CTNND2: variants seen among roughly 807,000 people sequenced by gnomAD.
CTNND2 encodes catenin delta-2.
CTNND2 carries 22 observed loss-of-function variants against 144.4 expected under a neutral mutation model. The ratio of observed to expected loss-of-function variants is 0.15; its 90% CI spans 0.11 to 0.22. The LOEUF (loss-of-function observed/expected upper bound fraction) is 0.22, where lower values mean the gene tolerates loss of function less well. Ranked by LOEUF, CTNND2 falls within the 10% of genes least tolerant of loss-of-function variation. CTNND2 has a pLI of 1.00. For synonymous variants in CTNND2, 751 were observed against 695.6 expected, an observed-to-expected ratio of 1.08 and a Z score of -1.25; for missense variants, 1,353 against 1,618.8, an observed-to-expected ratio of 0.84 and a Z score of 2.82.
intron 2 of CTNND2, among the ~76,000 whole-genome samples, chr5:11,714,265 C>G (rs951069487): frequency 1.3e-5 from 2 of 152,238 alleles, no homozygotes; most frequent in South Asian, 4.2e-4. Flanking sequence ...ACAAATGCCT[C>G]AACACCTCTT....
intron 1 of CTNND2, among the ~76,000 whole-genome samples, chr5:11,885,885 A>G (rs1232229770): frequency 1.3e-5 from 2 of 152,178 alleles, no homozygotes; most frequent in Non-Finnish European, 2.9e-5. Flanking sequence ...TTTGAAAACT[A>G]CAAATATCAT....
At chr5:11,737,888 G>C (rs1410303609) in intron 1 of CTNND2, among the ~76,000 whole-genome samples, 2 of 152,204 alleles carry the variant, frequency 1.3e-5, no homozygotes, top group Non-Finnish European at 2.9e-5. Flanking sequence ...GGGAAGAGAG[G>C]TGGCCTACTG....
intron 2 of CTNND2, among the ~76,000 whole-genome samples, chr5:11,579,868 C>T (rs1418829296): frequency 1.3e-5 from 2 of 152,286 alleles, no homozygotes; most frequent in South Asian, 2.1e-4. Context: ...CACTGGCCTC[C>T]CCGGCTGCGG....
At chr5:11,879,139 CA>C (rs1735783219) in intron 1 of CTNND2, among the ~76,000 whole-genome samples, 1 of 151,686 alleles carries the variant, frequency 6.6e-6, no homozygotes, top group South Asian at 2.1e-4. Flanking sequence ...CACGGAGCCC[CA>C]AGTACTCGGG....
At chr5:11,545,662 C>CCAA (rs1775172560) in intron 3 of CTNND2, among the ~76,000 whole-genome samples, 1 of 74,272 alleles carries the variant, frequency 1.3e-5, no homozygotes, top group Non-Finnish European at 2.5e-5. Context: ...GACTGTGTCT[C>CCAA]AAAAAAAAAA....
chr5:11,485,410 TCCC>T (rs1198715306), intron 3 of CTNND2, among the ~76,000 whole-genome samples: 1 of 150,268 alleles, frequency 6.7e-6, no homozygotes, highest in Non-Finnish European at 1.5e-5. Context: ...TTCAATGCAA[TCCC>T]CCCAAAATAT....
At chr5:11,519,742 T>C (rs1407909673) in intron 3 of CTNND2, among the ~76,000 whole-genome samples, 2 of 151,838 alleles carry the variant, frequency 1.3e-5, no homozygotes, top group Admixed American at 6.6e-5. Flanking sequence ...GATAAATAAA[T>C]GGAAGGAAGG....
chr5:11,385,162 CGCGGCGGCGGCG>C lies in CTNND2; in HGVS notation c.668_679del (p.Pro223_Pro226del), dbSNP rs557341981. The stretch of plus-strand genomic sequence containing the variant: ...GCCCAGGCTGGGCGCGAACGGCTCC[CGCGGCGGCGGCG>C]GCGGCGGCGGCGCGGGCTCGGGCCC... On this transcript the variant is annotated inframe_deletion, in exon 7 of 22. Coordinates refer to ENST00000304623, the MANE Select transcript of CTNND2 (RefSeq NM_001332.4). The C allele has an allele frequency of 2.2e-5, 22 of 1,013,214 alleles. No homozygotes were observed. Among genetic ancestry groups the C allele is most frequent in the East Asian group, 1.9e-4 (2 of 10,308 alleles). 62.8% of individuals were successfully genotyped at this position (1,013,214 alleles called of 1,614,324 possible).
chr5:11,738,365 C>A (rs1203141311), intron 1 of CTNND2, among the ~76,000 whole-genome samples: 1 of 152,206 alleles, frequency 6.6e-6, no homozygotes, highest in Non-Finnish European at 1.5e-5. Flanking sequence ...CATGCCGAGC[C>A]TTCTTTTCAG....
At chr5:11,620,558 C>T (rs1331878839) in intron 2 of CTNND2, among the ~76,000 whole-genome samples, 1 of 152,202 alleles carries the variant, frequency 6.6e-6, no homozygotes, top group African/African-American at 2.4e-5. Flanking sequence ...CTGACTGGCC[C>T]AGTGCTTGTC....
intron 9 of CTNND2, among the ~76,000 whole-genome samples, chr5:11,258,679 A>C (rs1744538520): frequency 6.6e-6 from 1 of 152,228 alleles, no homozygotes; most frequent in Non-Finnish European, 1.5e-5. Context: ...CAGTTTCTTC[A>C]CCTCTGAAGT....
chr5:11,627,388 C>A (rs1781211910), intron 2 of CTNND2, among the ~76,000 whole-genome samples: 1 of 152,148 alleles, frequency 6.6e-6, no homozygotes, highest in Non-Finnish European at 1.5e-5. Context: ...CTTTTATTGG[C>A]TGTGTACCAT....
intron 16 of CTNND2, among the ~76,000 whole-genome samples, chr5:11,061,297 T>C (rs1222101720): frequency 6.6e-6 from 1 of 152,178 alleles, no homozygotes; most frequent in Admixed American, 6.5e-5. Context: ...CCATCTTATC[T>C]ACTGTCTAGT....
rs1389153935 is a variant in CTNND2, at chr5:11,697,760, G to C, written c.174+34376C>G. On this transcript the variant is annotated intron_variant, in intron 2 of 21. Transcript: ENST00000304623. ...TAGTCTCTGTTCTTCAAAGTTTGGT[G>C]AATGAATTTGGGGTACAAAGTGACA... Among the ~76,000 whole-genome samples the C allele has an allele frequency of 5.3e-5, 8 of 152,298 alleles. No individual in the cohort carries two copies. In the East Asian group the frequency reaches 1.5e-3, roughly 29 times the overall value.
chr5:11,558,642 T>A (rs2150096963), intron 3 of CTNND2, among the ~76,000 whole-genome samples: 1 of 152,216 alleles, frequency 6.6e-6, no homozygotes, highest in East Asian at 1.9e-4. Flanking sequence ...AGTGCTGGGA[T>A]TACAGGTGTA....
chr5:10,999,003 G>C (rs1016133988), intron 18 of CTNND2, among the ~76,000 whole-genome samples: 2 of 152,192 alleles, frequency 1.3e-5, no homozygotes, highest in Non-Finnish European at 2.9e-5. Flanking sequence ...CTAGATGCTA[G>C]AGGCTAGGGT....
intron 3 of CTNND2, among the ~76,000 whole-genome samples, chr5:11,513,249 C>T (rs1366537757): frequency 6.6e-6 from 1 of 152,172 alleles, no homozygotes; most frequent in Admixed American, 6.5e-5. Flanking sequence ...GCCACAAGTA[C>T]CTCTCCTTGT....
chr5:11,116,682 T>C (rs1212239842), intron 13 of CTNND2, among the ~76,000 whole-genome samples: 1 of 152,242 alleles, frequency 6.6e-6, no homozygotes, highest in Non-Finnish European at 1.5e-5. Flanking sequence ...GTGACATTTA[T>C]TTAGATCTTG....
intron 3 of CTNND2, among the ~76,000 whole-genome samples, chr5:11,505,503 A>G (rs1023111156): frequency 6.6e-6 from 1 of 152,216 alleles, no homozygotes. Context: ...CAGCTGATTG[A>G]CAATCTACCC....
Sources: allele counts gnomAD v4.1 joint callset (sites outside exome capture counted in the v4.1 genomes callset), GRCh38; gene constraint gnomAD v4.1.1; transcripts MANE v1.5; gene names NCBI Gene and HGNC (gene_info 2026-07-23, HGNC 2026-07-21).